The following CDAN1 variants were observed in gnomAD, a reference collection of about 807,000 sequenced individuals.
CDAN1 encodes codanin-1.
Under a neutral mutation model 139.8 loss-of-function variants are expected in CDAN1, and 107 were observed. The ratio of observed to expected loss-of-function variants is 0.77; its 90% confidence interval spans 0.65 to 0.90. The LOEUF (loss-of-function observed/expected upper bound fraction) is 0.90. Among genes scored for constraint, CDAN1 ranks in the 40% least tolerant of loss-of-function variants. CDAN1 has a pLI of 0.00. For missense variants in CDAN1, 1,667 were observed against 1,575.7 expected (o/e 1.06, Z -0.98); for synonymous variants, 776 against 660.6 (o/e 1.17, Z -2.68).
At position 42,735,579 on chromosome 15, in the gene CDAN1, C is replaced by G. The variant is rs752270075; in HGVS notation, c.874G>C (p.Asp292His). Residue 292 changes from aspartate (D) to histidine (H), a missense_variant, in exon 4 of 28, where the codon GAC (aspartate) becomes CAC (histidine). Asp to His is a moderately conservative substitution (Grantham distance 81, BLOSUM62 -1). This residue lies in a region of CDAN1 where 487 missense variants were observed against 422.2 expected (regional missense o/e 1.15). Transcript: ENST00000356231. ...RTGSLTDEPA[D>H]PARVSSRQRL... is the part of the protein sequence containing the mutation. ...TGGCGGGAAGACACTCTGGCAGGGT[C>G]TGCAGGTTCATCTGTGAGGCTTCCT... 1 of 1,614,226 alleles carries G rather than the reference C, an allele frequency of 6.2e-7. No individual in the cohort carries two copies.
intron 25 of CDAN1, 68 bp downstream of exon 25, chr15:42,726,029 T>G: frequency 8.0e-7 from 1 of 1,247,900 alleles, no homozygotes. Flanking sequence ...GTTTCTAATC[T>G]TGCTTGTACC....
intron 22 of CDAN1, 35 bp from the exon 23 acceptor site, chr15:42,727,804 G>T (rs199813215): frequency 1.2e-6 from 2 of 1,609,896 alleles, no homozygotes; most frequent in Non-Finnish European, 1.7e-6. Context: ...AAGGAATCAC[G>T]GGAGGGCCCT....
intron 19 of CDAN1, 62 bp from the exon 20 acceptor site, chr15:42,728,872 T>G (rs1374639311): frequency 1.2e-6 from 2 of 1,610,018 alleles, no homozygotes; most frequent in East Asian, 2.2e-5. Flanking sequence ...GGCTGAAAAT[T>G]TATGGGAATT....
chr15:42,724,518 G>A lies in CDAN1; in HGVS notation c.3657C>T (p.Asn1219=), dbSNP rs1253426627. Residue 1219 remains asparagine (N), a synonymous_variant, in exon 28 of 28, where the codon AAC becomes AAT. Coordinates refer to ENST00000356231, the MANE Select transcript of CDAN1 (RefSeq NM_138477.4). ...AGCTCTGGGCCAGCACAGTGCCCCGGTTTGGCTGCACCAACTCACAGGCTC... is the reference window on the plus strand; with the variant it reads ...AGCTCTGGGCCAGCACAGTGCCCCGATTTGGCTGCACCAACTCACAGGCTC... The part of the protein sequence containing the change: ...QLRACELVQP[N]RGTVLAQS The A allele has an allele frequency of 6.4e-7, 1 of 1,573,520 alleles. No individual in the cohort carries two copies. Among genetic ancestry groups the A allele is most frequent in the Non-Finnish European group, 8.6e-7 (1 of 1,158,202 alleles).
intron 27 of CDAN1, 50 bp from the exon 28 acceptor site, chr15:42,724,666 A>G (rs368202869): frequency 1.3e-5 from 20 of 1,546,320 alleles, no homozygotes; most frequent in Non-Finnish European, 1.7e-5. Context: ...ATAATTCTCA[A>G]TGGCTCATCC....
chr15:42,729,204 A>G (rs766128580), intron 18 of CDAN1, 25 bp downstream of exon 18: 2 of 1,071,652 alleles, frequency 1.9e-6, no homozygotes, highest in Non-Finnish European at 1.3e-6. Context: ...CATTTTCCCC[A>G]CGGCTGTCTC....
At chr15:42,733,256 C>G (rs543640819) in intron 8 of CDAN1, 70 bp from the exon 9 acceptor site, 2 of 1,276,422 alleles carry the variant, frequency 1.6e-6, no homozygotes, top group African/African-American at 1.5e-5. Context: ...CCTGGAAGAA[C>G]TATCCGTAGC....
Position 42,736,792 on chromosome 15 carries a change from G to A in CDAN1, c.91-12C>T, listed in dbSNP as rs1246687011. 6.6e-7 allele frequency: 1 copy of A among 1,523,442 alleles called. No individual in the cohort carries two copies. The highest frequency in any genetic ancestry group is 8.8e-7 in the Non-Finnish European group (1 of 1,142,304). 94.4% of individuals were successfully genotyped at this position (1,523,442 alleles called of 1,614,324 possible). The stretch of plus-strand genomic sequence containing the variant: ...TCCCCAGCGTTATCCTAGGGCAGAA[G>A]CACAGGTGGAGGGGCGAGAGGGTCA... On this transcript the variant is annotated splice_polypyrimidine_tract_variant and intron_variant, in intron 1 of 27. Transcript: ENST00000356231.
At chr15:42,727,864 C>G in intron 22 of CDAN1, 91 bp downstream of exon 22, 3 of 1,603,382 alleles carry the variant, frequency 1.9e-6, no homozygotes, top group Non-Finnish European at 2.6e-6. Flanking sequence ...CCTACTGGCT[C>G]TCAGTCCCAT....
rs746462169 is a variant in CDAN1 at position 42,724,194 on chromosome 15, G to A, written c.*297C>T. On this transcript the variant is annotated 3_prime_UTR_variant, in exon 28 of 28. Coordinates refer to ENST00000356231, the MANE Select transcript of CDAN1 (RefSeq NM_138477.4). The stretch of plus-strand genomic sequence containing the variant: ...GCAAATGAGGCTTGAATTCTGTGTT[G>A]ACAAGCCCACACACCTCATTTCATT... 1.7e-5 allele frequency: 7 copies of A among 413,094 alleles called. No homozygotes were observed. The highest frequency in any genetic ancestry group is 3.2e-5 in the Non-Finnish European group (7 of 217,818). 25.6% of individuals were successfully genotyped at this position (413,094 alleles called of 1,614,324 possible).
At chr15:42,734,383 C>T in intron 6 of CDAN1, 37 bp from the exon 7 acceptor site, 1 of 1,613,368 alleles carries the variant, frequency 6.2e-7, no homozygotes, top group Non-Finnish European at 8.5e-7. Flanking sequence ...GAGACCAGAA[C>T]ACAGACTGCA....
At position 42,724,225 on chromosome 15, in the gene CDAN1, T is replaced by C; in HGVS notation, c.*266A>G. ...CCCACACACCTCATTTCATTTAGTATCCAAGAGATAAACAAACACCACCTC... is the reference window on the plus strand; with the variant it reads ...CCCACACACCTCATTTCATTTAGTACCCAAGAGATAAACAAACACCACCTC... On this transcript the variant is annotated 3_prime_UTR_variant, in exon 28 of 28. Coordinates refer to ENST00000356231, the MANE Select transcript of CDAN1 (RefSeq NM_138477.4). The C allele has an allele frequency of 1.7e-5, 8 of 471,364 alleles. No homozygotes were observed. The highest frequency in any genetic ancestry group is 1.6e-4 in the South Asian group (8 of 49,504). 29.2% of individuals were successfully genotyped at this position (471,364 alleles called of 1,614,324 possible).
chr15:42,728,686 G>A lies in CDAN1; in HGVS notation c.2770C>T (p.Pro924Ser), dbSNP rs776929659. 2.5e-6 allele frequency: 4 copies of A among 1,614,170 alleles called. No homozygotes were observed. The East Asian group carries it at 8.9e-5, about 36-fold the overall frequency. ...LLEILCSQLC[P>S]HGAQALALGR... ...AGGGCCAATGCCTGGGCCCCGTGAG[G>A]GCACAGCTGGGAACACAAGATCTCC... Residue 924 changes from proline to serine, a missense_variant, in exon 20 of 28, where the codon CCT (proline) becomes TCT (serine). Physicochemically the swap from Pro to Ser is moderately conservative, Grantham distance 74. Transcript: ENST00000356231.
At chr15:42,726,228 C>A in intron 24 of CDAN1, 68 bp from the exon 25 acceptor site, 1 of 1,600,270 alleles carries the variant, frequency 6.2e-7, no homozygotes, top group South Asian at 1.1e-5. Context: ...GAGAACTGGC[C>A]CTGAGCCAGT....
In CDAN1 at chr15:42,726,107, A is replaced by C; in HGVS notation, c.3258T>G (p.Ala1086=). 1 of 1,613,966 alleles carries C rather than the reference A, an allele frequency of 6.2e-7. No individual in the cohort carries two copies. Among genetic ancestry groups the C allele is most frequent in the Non-Finnish European group, 8.5e-7 (1 of 1,179,954 alleles). Reference sequence around the variant, plus strand: ...GGAAAGCAACCATACCGAGGAGGGAAGCTAACTCCACAGAGCACTTTGCCA... The same window carrying C: ...GGAAAGCAACCATACCGAGGAGGGACGCTAACTCCACAGAGCACTTTGCCA... ...QHLAKCSVEL[A]SLLVADQIPI... The change falls in exon 25 of 28, where the codon GCT becomes GCG. Residue 1086 remains alanine, a synonymous_variant. Transcript: ENST00000356231.
At chr15:42,734,779 C>CT (rs11434933) in intron 6 of CDAN1, among the ~76,000 whole-genome samples, 30,909 of 110,448 alleles carry the variant, frequency 0.28, 5,957 homozygotes, top group African/African-American at 0.54. Flanking sequence ...CACACCCGGC[C>CT]TTTTTTTTTT....
In CDAN1 at chr15:42,736,349, G is replaced by A; in HGVS notation, c.522C>T (p.Asn174=). Residue 174 remains asparagine (N), a synonymous_variant, in exon 2 of 28, where the codon AAC becomes AAT. Transcript: ENST00000356231. Reference sequence around the variant, plus strand: ...AGCCTACGGGAGGGAACTCCTCCAGGTTGCTGAGGTTTGGCGGATCAGACA... The same window carrying A: ...AGCCTACGGGAGGGAACTCCTCCAGATTGCTGAGGTTTGGCGGATCAGACA... ...LTLSDPPNLS[N]LEEFPPVGSV... 6.2e-7 allele frequency: 1 copy of A among 1,613,942 alleles called. No homozygotes were observed.
At chr15:42,729,419 C>G (rs374031853) in intron 17 of CDAN1, 57 bp from the exon 18 acceptor site, 1 of 1,610,788 alleles carries the variant, frequency 6.2e-7, no homozygotes. Context: ...CCCTAAGTAT[C>G]ATGGACTTTA....
chr15:42,726,285 C>A lies in CDAN1; in HGVS notation c.3204+25G>T, dbSNP rs751403518. 336 of 1,588,958 alleles carry A rather than the reference C, an allele frequency of 2.1e-4. 1 individual carries two copies. The highest frequency in any genetic ancestry group is 2.6e-4 in the Non-Finnish European group (305 of 1,166,894). On this transcript the variant is annotated intron_variant, in intron 24 of 27. Coordinates refer to ENST00000356231, the MANE Select transcript of CDAN1 (RefSeq NM_138477.4). ...CACACAAGGACACAGAAAAAAGCCC[C>A]CCGGTGGCAGATGCCACAGCTCACC...
Sources: allele counts gnomAD v4.1 joint callset (sites outside exome capture counted in the v4.1 genomes callset), GRCh38; gene constraint gnomAD v4.1.1; regional missense constraint gnomAD v4.1.1; transcripts MANE v1.5; gene names NCBI Gene and HGNC (gene_info 2026-07-23, HGNC 2026-07-21).